The following NUFIP2 variants were observed in gnomAD, a reference collection of about 807,000 sequenced individuals.
The protein encoded by NUFIP2 is nuclear FMR1 interacting protein 2.
Under a neutral mutation model 56.9 loss-of-function variants are expected in NUFIP2, and 6 were observed. That is an observed-to-expected ratio of 0.11 (90% CI 0.06 to 0.21). NUFIP2 has a LOEUF of 0.21. NUFIP2 is among the 10% of genes least tolerant of loss of function. The pLI is 1.00. For synonymous variants in NUFIP2, 321 were observed against 298.2 expected (o/e 1.08, Z -0.79); for missense variants, 828 against 826.8 (o/e 1.00, Z -0.02).
intron 1 of NUFIP2, among the ~76,000 whole-genome samples, chr17:29,289,194 A>C (rs539108066): frequency 6.6e-6 from 1 of 152,368 alleles, no homozygotes; most frequent in East Asian, 1.9e-4. Flanking sequence ...AGTCAATTCT[A>C]TTATAGGTGA....
chr17:29,293,535 A>AGCCGGG (rs931619765), intron 1 of NUFIP2, among the ~76,000 whole-genome samples: 70 of 152,208 alleles, frequency 4.6e-4, no homozygotes, highest in African/African-American at 1.6e-3. Context: ...GTCTCCCTTC[A>AGCCGGG]GCCGGGGCCG....
intron 2 of NUFIP2, among the ~76,000 whole-genome samples, chr17:29,282,475 G>C (rs748547489): frequency 2.6e-5 from 4 of 151,662 alleles, no homozygotes; most frequent in Non-Finnish European, 4.4e-5. Flanking sequence ...TTGAACCCAG[G>C]GGGCGGAGGT....
At chr17:29,266,797 T>C (rs1424223805) in intron 3 of NUFIP2, among the ~76,000 whole-genome samples, 2 of 151,914 alleles carry the variant, frequency 1.3e-5, no homozygotes, top group Non-Finnish European at 2.9e-5. Context: ...AGTAGGTAAA[T>C]AATACTTTCA....
chr17:29,277,849 A>G (rs1382050596), intron 2 of NUFIP2, among the ~76,000 whole-genome samples: 1 of 152,084 alleles, frequency 6.6e-6, no homozygotes, highest in Non-Finnish European at 1.5e-5. Context: ...CTCAGTCTCT[A>G]CTAAAAATAC....
At chr17:29,293,752 C>A (rs760368425) in intron 1 of NUFIP2, 31 bp downstream of exon 1, 2 of 1,449,206 alleles carry the variant, frequency 1.4e-6, no homozygotes, top group Non-Finnish European at 1.9e-6. Flanking sequence ...CACCCCCAAC[C>A]CCCTTCCCCC....
chr17:29,262,709 G>A lies in NUFIP2; in HGVS notation c.*1830C>T, dbSNP rs991640541. 5 of 149,752 alleles carry A rather than the reference G, an allele frequency of 3.3e-5. No homozygotes were observed. The highest frequency in any genetic ancestry group is 1.2e-4 in the African/African-American group (5 of 40,716). 9.3% of individuals were successfully genotyped at this position (149,752 alleles called of 1,614,324 possible). ...GGCCTACCACAAGTTTCTGAACCTG[G>A]ACTGATACAATAAGTTATTTTATAT... On this transcript the variant is annotated 3_prime_UTR_variant, in exon 4 of 4. Coordinates refer to ENST00000225388, the MANE Select transcript of NUFIP2 (RefSeq NM_020772.3).
intron 2 of NUFIP2, among the ~76,000 whole-genome samples, chr17:29,278,052 C>T (rs1044485703): frequency 3.3e-5 from 5 of 152,036 alleles, no homozygotes; most frequent in Non-Finnish European, 5.9e-5. Context: ...ATACAGCATG[C>T]TTTCAAGTAA....
At chr17:29,284,866 T>C (rs888780487) in intron 2 of NUFIP2, among the ~76,000 whole-genome samples, 3 of 152,128 alleles carry the variant, frequency 2.0e-5, no homozygotes, top group African/African-American at 7.2e-5. Flanking sequence ...CACTGTGATT[T>C]GTCTAACTTA....
rs899737925 is a variant in NUFIP2 at position 29,259,855 on chromosome 17, T to C, written c.*4684A>G. 3.3e-5 allele frequency: 5 copies of C among 152,222 alleles called. No individual in the cohort carries two copies. Among genetic ancestry groups the C allele is most frequent in the Non-Finnish European group, 2.9e-5 (2 of 68,034 alleles). The allele number at this position is 152,222 out of a possible 1,614,324, so 9.4% of individuals were successfully genotyped here. On this transcript the variant is annotated 3_prime_UTR_variant, in exon 4 of 4. Transcript: ENST00000225388. Reference sequence around the variant, plus strand: ...GGCATCCTTTAACTACTTTAAGACCTTTCTTGAGCGGCAAAACAGTGTGAA... The same window carrying C: ...GGCATCCTTTAACTACTTTAAGACCCTTCTTGAGCGGCAAAACAGTGTGAA...
chr17:29,273,853 A>G (rs1432900435), intron 2 of NUFIP2, among the ~76,000 whole-genome samples: 4 of 152,242 alleles, frequency 2.6e-5, no homozygotes, highest in Non-Finnish European at 5.9e-5. Context: ...AATTTCCTAG[A>G]GCAGACTTTC....
At chr17:29,289,989 T>C (rs149864348) in intron 1 of NUFIP2, among the ~76,000 whole-genome samples, 111 of 152,226 alleles carry the variant, frequency 7.3e-4, no homozygotes, top group African/African-American at 2.6e-3. Flanking sequence ...AGTGATGTGA[T>C]CCCAGCTCAC....
chr17:29,267,589 G>A, intron 2 of NUFIP2, 59 bp from the exon 3 acceptor site: 2 of 1,058,826 alleles, frequency 1.9e-6, no homozygotes, highest in Non-Finnish European at 2.8e-6. Context: ...CTGAAGCGAT[G>A]CTTTTCATTT....
rs1037907533 is a variant in NUFIP2 at position 29,263,480 on chromosome 17, A to C, written c.*1059T>G. The C allele has an allele frequency of 6.6e-6, 1 of 152,632 alleles. No individual in the cohort carries two copies. The highest frequency in any genetic ancestry group is 2.4e-5 in the African/African-American group (1 of 41,466). 9.5% of individuals were successfully genotyped at this position (152,632 alleles called of 1,614,324 possible). ...ACTGGCTAAAAACATGAAAAGTTTT[A>C]GTTTTCATGGACTTTTTTCTTCCCC... On this transcript the variant is annotated 3_prime_UTR_variant, in exon 4 of 4. Coordinates refer to ENST00000225388, the MANE Select transcript of NUFIP2 (RefSeq NM_020772.3).
rs1159375407 is a variant in NUFIP2, at chr17:29,259,655, T to C, written c.*4884A>G. The C allele has an allele frequency of 6.7e-6, 1 of 150,028 alleles. No homozygotes were observed. The highest frequency in any genetic ancestry group is 1.5e-5 in the Non-Finnish European group (1 of 67,694). The allele number at this position is 150,028 out of a possible 1,614,324, so 9.3% of individuals were successfully genotyped here. A position where few individuals can be genotyped will look rare whatever the true frequency, so the allele number is the denominator to read the frequency against. ...GAACTCTGCACATAACAAAATTGTA[T>C]GGAAAATAGGGAAGTCTGAATCAGC... is the stretch of plus-strand genomic sequence containing the variant. On this transcript the variant is annotated 3_prime_UTR_variant, in exon 4 of 4. Coordinates refer to ENST00000225388, the MANE Select transcript of NUFIP2 (RefSeq NM_020772.3).
intron 2 of NUFIP2, among the ~76,000 whole-genome samples, chr17:29,269,395 AATT>A (rs554052408): frequency 2.8e-4 from 43 of 152,316 alleles, no homozygotes; most frequent in Non-Finnish European, 4.4e-4. Flanking sequence ...ACAGATCTAA[AATT>A]ATTATTTTCT....
At position 29,267,545 on chromosome 17, in the gene NUFIP2, A is replaced by C; in HGVS notation, c.2003-15T>G. 1 of 1,510,044 alleles carries C rather than the reference A, an allele frequency of 6.6e-7. No homozygotes were observed. The highest frequency in any genetic ancestry group is 1.2e-5 in the South Asian group (1 of 86,880). The allele number at this position is 1,510,044 out of a possible 1,614,324, so 93.5% of individuals were successfully genotyped here. On this transcript the variant is annotated splice_polypyrimidine_tract_variant and intron_variant, in intron 2 of 3. Coordinates refer to ENST00000225388, the MANE Select transcript of NUFIP2 (RefSeq NM_020772.3). ...AGATTCCATTTCTGCAAAGAAAAAA[A>C]GAGAATTACATACTAAGTTTTGGTG...
intron 2 of NUFIP2, among the ~76,000 whole-genome samples, chr17:29,272,656 T>C (rs1245988888): frequency 6.6e-6 from 1 of 152,194 alleles, no homozygotes; most frequent in Non-Finnish European, 1.5e-5. Flanking sequence ...ACATACAAGT[T>C]GAGTATCCTT....
intron 1 of NUFIP2, among the ~76,000 whole-genome samples, chr17:29,292,754 G>C (rs552726653): frequency 2.7e-5 from 4 of 149,858 alleles, no homozygotes; most frequent in African/African-American, 9.7e-5. Flanking sequence ...GCTGGCGCGC[G>C]GGGCCCTGCG....
chr17:29,270,808 T>C, intron 2 of NUFIP2, among the ~76,000 whole-genome samples: 1 of 152,070 alleles, frequency 6.6e-6, no homozygotes. Flanking sequence ...TGTCTATTAT[T>C]AAAAAATAAA....
Sources: gnomAD v4.1 joint callset for allele counts (sites outside exome capture counted in the v4.1 genomes callset) on GRCh38, gnomAD v4.1.1 for gene constraint, MANE v1.5 for transcripts, NCBI Gene and HGNC (gene_info 2026-07-23, HGNC 2026-07-21) for gene names.